Variants in GRM7 observed in about 807,000 individuals in gnomAD.
The protein encoded by GRM7 is metabotropic glutamate receptor 7.
Under a neutral mutation model 84.5 loss-of-function variants are expected in GRM7, and 35 were observed. The ratio of observed to expected loss-of-function variants is 0.41; its 90% CI spans 0.32 to 0.55. The LOEUF (loss-of-function observed/expected upper bound fraction) is 0.55. GRM7 is among the 20% of genes least tolerant of loss of function. The probability of loss-of-function intolerance (pLI) is 0.19; values close to 1 mark genes in which losing one functional copy is unlikely to be tolerated. For synonymous variants in GRM7, 487 were observed against 455.1 expected (o/e 1.07, Z -0.89); for missense variants, 1,003 against 1,194.6 (o/e 0.84, Z 2.36).
rs1559422766 is a variant in GRM7, at chr3:7,075,532, G to GTGTT, written c.520-70917_520-70916insTTGT. 2.7e-3 allele frequency among the ~76,000 whole-genome samples: 398 copies of GTGTT among 147,830 alleles called. 1 individual carries two copies. The highest frequency in any genetic ancestry group is 0.017 in the Middle Eastern group (5 of 288). On this transcript the variant is annotated intron_variant, in intron 1 of 9. Transcript: ENST00000357716. ...TGTGTGTGTGTGTGTGTGTGTGTGT[G>GTGTT]TGTGTGTGTGTGTTTGGAGATGGAG...
chr3:7,475,243 T>A (rs542058154), intron 7 of GRM7, among the ~76,000 whole-genome samples: 3 of 152,336 alleles, frequency 2.0e-5, no homozygotes, highest in Admixed American at 2.0e-4. Flanking sequence ...GCCTTCACAA[T>A]GACTGAATAG....
rs1380480796 is a variant in GRM7, at chr3:6,928,922, G to A, written c.519+67015G>A. On this transcript the variant is annotated intron_variant, in intron 1 of 9. Transcript: ENST00000357716. This position sits in a 1 kb window ranked among gnomAD's most constrained non-coding sequence, Gnocchi z 4.5. The stretch of plus-strand genomic sequence containing the variant: ...TTTTAAAGTGATTTTTCCCTCGGCA[G>A]TTTTGATTAGATGCCTTGGGTCAGT... Among the ~76,000 whole-genome samples the A allele has an allele frequency of 6.6e-6, 1 of 152,178 alleles. No homozygotes were observed. Among genetic ancestry groups the A allele is most frequent in the East Asian group, 1.9e-4 (1 of 5,194 alleles).
At position 6,949,701 on chromosome 3, in the gene GRM7, C is replaced by T. The variant is rs369384554; in HGVS notation, c.519+87794C>T. ...GTCACTTTCAGGTACACCAATCAGACGTAGATTTGGTCTTTTCACATAGTC... is the reference window on the plus strand; with the variant it reads ...GTCACTTTCAGGTACACCAATCAGATGTAGATTTGGTCTTTTCACATAGTC... On this transcript the variant is annotated intron_variant, in intron 1 of 9. Coordinates refer to ENST00000357716, the MANE Select transcript of GRM7 (RefSeq NM_000844.4). 3.3e-5 allele frequency among the ~76,000 whole-genome samples: 5 copies of T among 152,204 alleles called. No individual in the cohort carries two copies. The South Asian group carries it at 6.2e-4, about 19-fold the overall frequency.
At chr3:7,426,756 C>A (rs1433561888) in intron 5 of GRM7, among the ~76,000 whole-genome samples, 1 of 152,162 alleles carries the variant, frequency 6.6e-6, no homozygotes, top group Non-Finnish European at 1.5e-5. Context: ...ATCTTCACAT[C>A]CCCAGCCCTA....
At chr3:7,647,409 CT>C (rs1443649073) in intron 8 of GRM7, among the ~76,000 whole-genome samples, 1 of 152,118 alleles carries the variant, frequency 6.6e-6, no homozygotes, top group Admixed American at 6.5e-5. Context: ...GGGAAAGGAA[CT>C]GAATTGTTGA....
chr3:7,494,170 G>A (rs145288504), intron 7 of GRM7, among the ~76,000 whole-genome samples: 1 of 152,110 alleles, frequency 6.6e-6, no homozygotes, highest in African/African-American at 2.4e-5. Flanking sequence ...AGATATACTA[G>A]CAATACATTA....
Position 7,067,124 on chromosome 3 carries a change from C to T in GRM7, c.520-79328C>T, listed in dbSNP as rs1007816901. 2.0e-5 allele frequency among the ~76,000 whole-genome samples: 3 copies of T among 151,854 alleles called. No homozygotes were observed. In the East Asian group the frequency reaches 5.8e-4, roughly 30 times the overall value. On this transcript the variant is annotated intron_variant, in intron 1 of 9. Transcript: ENST00000357716. ...GAGAACTGGAACAAGACAAGGATGCCCACTCTCACCGCTCCTCTTCAACAT... is the reference window on the plus strand; with the variant it reads ...GAGAACTGGAACAAGACAAGGATGCTCACTCTCACCGCTCCTCTTCAACAT...
At chr3:6,899,396 T>C (rs1486136588) in intron 1 of GRM7, among the ~76,000 whole-genome samples, 1 of 152,174 alleles carries the variant, frequency 6.6e-6, no homozygotes, top group African/African-American at 2.4e-5. Context: ...TGGACAACTT[T>C]TGATAAAATA....
At chr3:7,525,150 G>A (rs1176633531) in intron 7 of GRM7, among the ~76,000 whole-genome samples, 1 of 151,660 alleles carries the variant, frequency 6.6e-6, no homozygotes, top group Non-Finnish European at 1.5e-5. Context: ...AGCATTAGGA[G>A]ATATACCTAA....
chr3:6,920,320 C>T lies in GRM7; in HGVS notation c.519+58413C>T, dbSNP rs570256537. On this transcript the variant is annotated intron_variant, in intron 1 of 9. Coordinates refer to ENST00000357716, the MANE Select transcript of GRM7 (RefSeq NM_000844.4). ...TTGTAATCCTAGCACTTTGGGAGGC[C>T]GAGGCGAGAGGATTACTTGAGGTCA... Among the ~76,000 whole-genome samples, 29 of 152,056 alleles carry T rather than the reference C, an allele frequency of 1.9e-4. 1 individual carries two copies. Among genetic ancestry groups the T allele is most frequent in the African/African-American group, 6.3e-4 (26 of 41,494 alleles).
chr3:7,473,755 C>T (rs17047406), intron 7 of GRM7, among the ~76,000 whole-genome samples: 6,767 of 152,060 alleles, frequency 0.045, 532 homozygotes, highest in African/African-American at 0.15. Flanking sequence ...GAGCTTGGCC[C>T]AGTTGAGTGA....
At chr3:7,422,466 C>G (rs536077542) in intron 5 of GRM7, among the ~76,000 whole-genome samples, 1 of 152,034 alleles carries the variant, frequency 6.6e-6, no homozygotes, top group Admixed American at 6.6e-5. Context: ...CTGTACTGAC[C>G]GGCTCTGCAG....
chr3:7,648,750 G>C (rs1485519115), intron 8 of GRM7, among the ~76,000 whole-genome samples: 1 of 152,116 alleles, frequency 6.6e-6, no homozygotes, highest in Non-Finnish European at 1.5e-5. Flanking sequence ...TTCAGATGCA[G>C]CAAAGCCAAA....
intron 2 of GRM7, among the ~76,000 whole-genome samples, chr3:7,229,738 TATATATATATATATATA>T (rs1559514539): frequency 1.1e-4 from 3 of 27,102 alleles, no homozygotes; most frequent in Non-Finnish European, 1.5e-4. Flanking sequence ...TATATATATA[TATATATATATATATATA>T]TATATTTTTT....
chr3:7,325,838 C>A (rs1700963182), intron 4 of GRM7, among the ~76,000 whole-genome samples: 1 of 152,174 alleles, frequency 6.6e-6, no homozygotes, highest in East Asian at 1.9e-4. Context: ...TATTTATGAG[C>A]TTCCTCCCAA....
intron 1 of GRM7, among the ~76,000 whole-genome samples, chr3:7,014,992 G>A (rs1360902574): frequency 6.6e-6 from 1 of 152,122 alleles, no homozygotes; most frequent in Non-Finnish European, 1.5e-5. Flanking sequence ...GCTAGTTAGA[G>A]GTGTGTAAAA....
At chr3:7,596,808 T>G (rs1696066727) in intron 8 of GRM7, among the ~76,000 whole-genome samples, 1 of 152,110 alleles carries the variant, frequency 6.6e-6, no homozygotes, top group African/African-American at 2.4e-5. Flanking sequence ...GGGGTTTTAC[T>G]GTCATGATTT....
At chr3:7,392,875 T>C (rs1007927262) in intron 4 of GRM7, among the ~76,000 whole-genome samples, 6 of 152,174 alleles carry the variant, frequency 3.9e-5, no homozygotes, top group African/African-American at 1.4e-4. Context: ...CACAGCCTGT[T>C]ACAGGGCAGT....
chr3:7,039,743 A>G (rs1574823304), intron 1 of GRM7, among the ~76,000 whole-genome samples: 1 of 152,040 alleles, frequency 6.6e-6, no homozygotes, highest in South Asian at 2.1e-4. Context: ...GAATCCCTAG[A>G]TTAGTGAGAC....
Sources: allele counts gnomAD v4.1 joint callset (sites outside exome capture counted in the v4.1 genomes callset), GRCh38; gene constraint gnomAD v4.1.1; non-coding constraint Gnocchi (gnomAD v3.1); transcripts MANE v1.5; gene names NCBI Gene and HGNC (gene_info 2026-07-23, HGNC 2026-07-21).